NRG3: variants seen among roughly 807,000 people sequenced by gnomAD.
NRG3 encodes the protein neuregulin 3.
Under a neutral mutation model 66.9 loss-of-function variants are expected in NRG3, and 31 were observed. That is an observed-to-expected ratio of 0.46 (90% CI 0.35 to 0.63). The LOEUF is 0.63. Among genes scored for constraint, NRG3 ranks in the 20% least tolerant of loss-of-function variants. The pLI is 0.00. For missense variants in NRG3, 910 were observed against 878.9 expected (o/e 1.04, Z -0.45); for synonymous variants, 393 against 359.4 (o/e 1.09, Z -1.06).
At chr10:82,599,442 C>T (rs1210984676) in intron 2 of NRG3, among the ~76,000 whole-genome samples, 2 of 152,030 alleles carry the variant, frequency 1.3e-5, no homozygotes, top group East Asian at 1.9e-4. Context: ...AGAGTTTTAA[C>T]GTTCAAACCA....
intron 3 of NRG3, among the ~76,000 whole-genome samples, chr10:82,754,063 A>C (rs74999459): frequency 0.084 from 12,742 of 151,866 alleles, 1,674 homozygotes; most frequent in African/African-American, 0.28. Flanking sequence ...ATGAATCCAG[A>C]CTTCTTTTTT....
intron 2 of NRG3, among the ~76,000 whole-genome samples, chr10:82,534,278 T>C (rs542037886): frequency 6.6e-6 from 1 of 152,118 alleles, no homozygotes; most frequent in South Asian, 2.1e-4. Context: ...TTTTTTTTTT[T>C]TGAGACAGAG....
At chr10:82,076,336 G>T (rs2065089320) in intron 1 of NRG3, among the ~76,000 whole-genome samples, 1 of 152,150 alleles carries the variant, frequency 6.6e-6, no homozygotes, top group African/African-American at 2.4e-5. Context: ...GTCCAGCTCT[G>T]ATTATATCTA....
At chr10:82,573,224 G>A (rs1004428874) in intron 2 of NRG3, among the ~76,000 whole-genome samples, 5 of 151,856 alleles carry the variant, frequency 3.3e-5, no homozygotes, top group East Asian at 3.9e-4. Flanking sequence ...TTGACCTCTG[G>A]AGCAAAGATG....
intron 2 of NRG3, among the ~76,000 whole-genome samples, chr10:82,572,874 T>C (rs1256385080): frequency 6.6e-6 from 1 of 151,784 alleles, no homozygotes; most frequent in Non-Finnish European, 1.5e-5. Context: ...TGCTGTTATC[T>C]CCACTTCAGT....
intron 3 of NRG3, among the ~76,000 whole-genome samples, chr10:82,788,131 T>C (rs1203518091): frequency 6.6e-6 from 1 of 152,226 alleles, no homozygotes; most frequent in Non-Finnish European, 1.5e-5. Flanking sequence ...AATTAGGGAA[T>C]CTAGCATTGT....
chr10:82,627,824 CTG>C (rs1404878530), intron 2 of NRG3, among the ~76,000 whole-genome samples: 3 of 152,216 alleles, frequency 2.0e-5, no homozygotes. Flanking sequence ...TGTCATCTCT[CTG>C]TAGCTTGAGA....
intron 3 of NRG3, among the ~76,000 whole-genome samples, chr10:82,832,163 C>A (rs1264746292): frequency 2.6e-5 from 4 of 152,104 alleles, no homozygotes; most frequent in Non-Finnish European, 5.9e-5. Context: ...GAATTTAAAA[C>A]AATGAAGAGA....
chr10:82,652,680 G>A (rs2051520650), intron 2 of NRG3, among the ~76,000 whole-genome samples: 1 of 152,174 alleles, frequency 6.6e-6, no homozygotes, highest in Admixed American at 6.5e-5. Context: ...AAACAGGGAT[G>A]TCAGTTCTCA....
chr10:82,623,120 G>A (rs947081943), intron 2 of NRG3, among the ~76,000 whole-genome samples: 3 of 152,024 alleles, frequency 2.0e-5, no homozygotes, highest in African/African-American at 7.2e-5. Context: ...AATCACAATG[G>A]CAATGCCAAC....
intron 2 of NRG3, among the ~76,000 whole-genome samples, chr10:82,510,143 A>C (rs545168546): frequency 6.6e-6 from 1 of 152,194 alleles, no homozygotes; most frequent in South Asian, 2.1e-4. Flanking sequence ...CTAGAAGATT[A>C]ATCATTTGCT....
chr10:82,301,655 T>C (rs1213102202), intron 1 of NRG3, among the ~76,000 whole-genome samples: 1 of 147,354 alleles, frequency 6.8e-6, no homozygotes, highest in African/African-American at 2.5e-5. Flanking sequence ...TTTCCATTTT[T>C]ATTTATATGT....
At chr10:82,265,083 G>GGA (rs1431092905) in intron 1 of NRG3, among the ~76,000 whole-genome samples, 1 of 152,094 alleles carries the variant, frequency 6.6e-6, no homozygotes, top group Non-Finnish European at 1.5e-5. Flanking sequence ...AGAGATGTGG[G>GGA]GAGAGAATAA....
intron 2 of NRG3, among the ~76,000 whole-genome samples, chr10:82,518,204 A>G (rs537903304): frequency 5.1e-4 from 77 of 152,328 alleles, no homozygotes; most frequent in Non-Finnish European, 9.8e-4. Flanking sequence ...AAATTATCCA[A>G]TTGTGTTTTA....
intron 2 of NRG3, among the ~76,000 whole-genome samples, chr10:82,614,653 A>T (rs1300422747): frequency 2.6e-5 from 4 of 152,222 alleles, no homozygotes; most frequent in African/African-American, 9.6e-5. Context: ...TTCAGGTAAT[A>T]GAAGCAAGAT....
At chr10:82,206,140 A>G (rs1350923770) in intron 1 of NRG3, among the ~76,000 whole-genome samples, 1 of 152,152 alleles carries the variant, frequency 6.6e-6, no homozygotes, top group African/African-American at 2.4e-5. Flanking sequence ...CTCACCTCCC[A>G]AAATACCACC....
chr10:82,203,827 A>G (rs1305322641), intron 1 of NRG3, among the ~76,000 whole-genome samples: 2 of 152,168 alleles, frequency 1.3e-5, no homozygotes, highest in Non-Finnish European at 1.5e-5. Context: ...ACAGCCAGGA[A>G]CATCCATCTG....
At chr10:82,316,599 A>G (rs946852278) in intron 1 of NRG3, among the ~76,000 whole-genome samples, 1 of 152,286 alleles carries the variant, frequency 6.6e-6, no homozygotes, top group African/African-American at 2.4e-5. Context: ...CGCATTACAC[A>G]TAAGGCCTTG....
chr10:82,333,617 G>A (rs977594486), intron 1 of NRG3, among the ~76,000 whole-genome samples: 2 of 152,118 alleles, frequency 1.3e-5, no homozygotes, highest in African/African-American at 4.8e-5. Flanking sequence ...TTATATCATT[G>A]ATGGGATTGT....
Sources: gnomAD v4.1 joint callset for allele counts (sites outside exome capture counted in the v4.1 genomes callset) on GRCh38, gnomAD v4.1.1 for gene constraint, MANE v1.5 for transcripts, NCBI Gene and HGNC (gene_info 2026-07-23, HGNC 2026-07-21) for gene names.